Variants in MICU1 observed in about 807,000 individuals in gnomAD.
MICU1 encodes the protein calcium uptake protein 1, mitochondrial.
In MICU1, 45 loss-of-function variants were observed where a neutral mutation model predicts 56.8. The ratio of observed to expected loss-of-function variants is 0.79; its 90% CI spans 0.62 to 1.02. The LOEUF is 1.02. Ranked by LOEUF, MICU1 falls within the 50% of genes least tolerant of loss-of-function variation. The pLI is 0.00. For synonymous variants in MICU1, 186 were observed against 195.1 expected (o/e 0.95, Z 0.39); for missense variants, 504 against 587.1 (o/e 0.86, Z 1.46).
intron 5 of MICU1, among the ~76,000 whole-genome samples, chr10:72,516,330 G>GT (rs1281009389): frequency 6.6e-6 from 1 of 151,942 alleles, no homozygotes; most frequent in Non-Finnish European, 1.5e-5. Context: ...AATTCTGGAT[G>GT]TTAGCCCTTT....
intron 8 of MICU1, among the ~76,000 whole-genome samples, chr10:72,437,382 G>A (rs1351695591): frequency 1.3e-5 from 2 of 152,150 alleles, no homozygotes; most frequent in African/African-American, 4.8e-5. Flanking sequence ...ACTTACAGGA[G>A]CTCCTGAAGG....
At chr10:72,405,060 C>T (rs1863582575) in intron 10 of MICU1, among the ~76,000 whole-genome samples, 1 of 152,030 alleles carries the variant, frequency 6.6e-6, no homozygotes, top group Admixed American at 6.6e-5. Flanking sequence ...GCATGTGCCA[C>T]CAAGCCCGGC....
chr10:72,515,260 CT>C (rs1392504204), intron 5 of MICU1, among the ~76,000 whole-genome samples: 1 of 152,158 alleles, frequency 6.6e-6, no homozygotes, highest in Non-Finnish European at 1.5e-5. Flanking sequence ...AAGCGTTCTC[CT>C]GGTTGTTTTA....
At chr10:72,523,821 G>A in intron 5 of MICU1, 1 of 1,527,046 alleles carries the variant, frequency 6.5e-7, no homozygotes, top group Non-Finnish European at 8.8e-7. Flanking sequence ...TGTCCTTGAA[G>A]ATCTCCTTGG....
intron 5 of MICU1, among the ~76,000 whole-genome samples, chr10:72,528,976 T>C (rs1027192208): frequency 6.6e-6 from 1 of 152,188 alleles, no homozygotes; most frequent in African/African-American, 2.4e-5. Context: ...AGCTTTGATT[T>C]TCAACTATGA....
At chr10:72,521,000 A>G (rs554359898) in intron 5 of MICU1, among the ~76,000 whole-genome samples, 1 of 152,224 alleles carries the variant, frequency 6.6e-6, no homozygotes, top group African/African-American at 2.4e-5. Context: ...TTTAATTTTG[A>G]ACTTTGGCCA....
intron 1 of MICU1, among the ~76,000 whole-genome samples, chr10:72,603,185 G>A (rs1272706372): frequency 6.6e-6 from 1 of 151,468 alleles, no homozygotes; most frequent in Non-Finnish European, 1.5e-5. Context: ...TCAGGAGTTC[G>A]AGACCAGCCT....
At chr10:72,560,966 G>A (rs1840281814) in intron 3 of MICU1, among the ~76,000 whole-genome samples, 1 of 152,074 alleles carries the variant, frequency 6.6e-6, no homozygotes, top group Non-Finnish European at 1.5e-5. Context: ...TATAGATTAT[G>A]TAAAAGAATG....
At chr10:72,529,911 T>C (rs546017022) in intron 5 of MICU1, among the ~76,000 whole-genome samples, 1 of 149,762 alleles carries the variant, frequency 6.7e-6, no homozygotes, top group South Asian at 2.1e-4. Flanking sequence ...TATTGACAAA[T>C]TGTTAGCAGA....
At chr10:72,522,700 T>A (rs1431509547) in intron 5 of MICU1, among the ~76,000 whole-genome samples, 1 of 151,894 alleles carries the variant, frequency 6.6e-6, no homozygotes, top group African/African-American at 2.4e-5. Flanking sequence ...AACAAAACAA[T>A]CCCAGACTTT....
intron 8 of MICU1, among the ~76,000 whole-genome samples, chr10:72,472,328 T>C (rs1865976467): frequency 6.6e-6 from 1 of 152,242 alleles, no homozygotes; most frequent in Non-Finnish European, 1.5e-5. Flanking sequence ...TTCTGGTTTA[T>C]TGAGAGCTGA....
At chr10:72,620,045 A>G (rs1842067771) in intron 1 of MICU1, among the ~76,000 whole-genome samples, 1 of 152,316 alleles carries the variant, frequency 6.6e-6, no homozygotes, top group South Asian at 2.1e-4. Context: ...TTTTTTTAAA[A>G]AAAAGGAAAA....
At chr10:72,565,560 A>G (rs1017420499) in intron 2 of MICU1, among the ~76,000 whole-genome samples, 2 of 152,128 alleles carry the variant, frequency 1.3e-5, no homozygotes, top group Middle Eastern at 3.4e-3. Context: ...TACTAGGTGC[A>G]GCACACCAAC....
intron 10 of MICU1, among the ~76,000 whole-genome samples, chr10:72,400,923 C>T (rs1200245771): frequency 1.3e-5 from 2 of 150,892 alleles, no homozygotes; most frequent in Admixed American, 1.3e-4. Flanking sequence ...ATATCATTAA[C>T]TTGTTTTTCA....
At chr10:72,440,162 A>C (rs551690280) in intron 8 of MICU1, among the ~76,000 whole-genome samples, 3 of 152,336 alleles carry the variant, frequency 2.0e-5, no homozygotes, top group African/African-American at 7.2e-5. Context: ...CTACAAGGCT[A>C]CAGTAACCAA....
chr10:72,370,520 C>T (rs1010912113), intron 11 of MICU1, among the ~76,000 whole-genome samples: 3 of 151,938 alleles, frequency 2.0e-5, no homozygotes, highest in African/African-American at 7.3e-5. Flanking sequence ...AAAACAAAAC[C>T]CAAAACCAAA....
At position 72,514,541 on chromosome 10, in the gene MICU1, G is replaced by C. The variant is rs145387722; in HGVS notation, c.538-6272C>G. 2.6e-3 allele frequency among the ~76,000 whole-genome samples: 396 copies of C among 152,202 alleles called. 2 individuals carry two copies. The highest frequency in any genetic ancestry group is 8.9e-3 in the African/African-American group (370 of 41,520). On this transcript the variant is annotated intron_variant, in intron 5 of 11. Transcript: ENST00000361114. The stretch of plus-strand genomic sequence containing the variant: ...GACTTTATTAAACTCTTCTTGTAAA[G>C]ACCTGTGACCTTTGTCATAGGTCGT...
chr10:72,416,366 G>A (rs991988394), intron 9 of MICU1, among the ~76,000 whole-genome samples: 4 of 152,088 alleles, frequency 2.6e-5, no homozygotes, highest in Non-Finnish European at 4.4e-5. Flanking sequence ...CATTTCACAC[G>A]CTATACTACA....
chr10:72,574,657 G>A (rs1192069348), intron 1 of MICU1, among the ~76,000 whole-genome samples: 1 of 151,916 alleles, frequency 6.6e-6, no homozygotes, highest in African/African-American at 2.4e-5. Flanking sequence ...AAGATACTAA[G>A]GAAAATTATC....
Sources: gnomAD v4.1 joint callset for allele counts (sites outside exome capture counted in the v4.1 genomes callset) on GRCh38, gnomAD v4.1.1 for gene constraint, MANE v1.5 for transcripts, NCBI Gene and HGNC (gene_info 2026-07-23, HGNC 2026-07-21) for gene names.